Variants in PTPRD observed in about 807,000 individuals in gnomAD.
PTPRD encodes protein tyrosine phosphatase receptor type D.
Under a neutral mutation model 214.5 loss-of-function variants are expected in PTPRD, and 34 were observed. The ratio of observed to expected loss-of-function variants is 0.16; its 90% confidence interval spans 0.12 to 0.21. The LOEUF (loss-of-function observed/expected upper bound fraction) is 0.21. PTPRD is among the 10% of genes least tolerant of loss of function. PTPRD has a pLI of 1.00. For missense variants in PTPRD, 2,545 were observed against 2,398.7 expected (o/e 1.06, Z -1.27); for synonymous variants, 1,128 against 845.7 (o/e 1.33, Z -5.79).
intron 14 of PTPRD, among the ~76,000 whole-genome samples, chr9:8,598,297 T>C (rs984322483): frequency 6.6e-6 from 1 of 151,748 alleles, no homozygotes; most frequent in South Asian, 2.1e-4. Context: ...ATTAAAAATA[T>C]GAAAATTAGC....
At chr9:10,240,156 C>T (rs1303355283) in intron 3 of PTPRD, among the ~76,000 whole-genome samples, 1 of 151,866 alleles carries the variant, frequency 6.6e-6, no homozygotes, top group Non-Finnish European at 1.5e-5. Context: ...GTTCATATAA[C>T]CTAAATAAAA....
At chr9:9,833,479 C>T (rs986530511) in intron 5 of PTPRD, among the ~76,000 whole-genome samples, 2 of 151,714 alleles carry the variant, frequency 1.3e-5, no homozygotes, top group Non-Finnish European at 2.9e-5. Flanking sequence ...AGGACCGAGG[C>T]GAAATTAAAA....
intron 3 of PTPRD, among the ~76,000 whole-genome samples, chr9:10,060,912 CTTTCT>C (rs2097764050): frequency 9.0e-6 from 1 of 111,352 alleles, no homozygotes. Flanking sequence ...TTCTTTCTTT[CTTTCT>C]TTCTTTCTTT....
rs77278680 is a variant in PTPRD at position 9,079,516 on chromosome 9, T to A, written c.-142-60781A>T. ...TTCTTTGCTTTGGATAGATTCTCAG[T>A]AGGGGGATTGCTGGACAATATGTAG... On this transcript the variant is annotated intron_variant, in intron 10 of 45. Transcript: ENST00000381196. Among the ~76,000 whole-genome samples the A allele has an allele frequency of 3.1e-4, 47 of 152,166 alleles. 1 individual carries two copies. In the South Asian group the frequency reaches 8.9e-3, roughly 29 times the overall value.
At position 9,241,730 on chromosome 9, in the gene PTPRD, A is replaced by G. The variant is rs1333475134; in HGVS notation, c.-202-58367T>C. Among the ~76,000 whole-genome samples, 6 of 151,344 alleles carry G rather than the reference A, an allele frequency of 4.0e-5. No individual in the cohort carries two copies. In the South Asian group the frequency reaches 1.0e-3, roughly 26 times the overall value. ...TCCTCCAACCCTTTATTCTGAGCCTATGTGTGTCTCTCCATACGAGATGGG... is the reference window on the plus strand; with the variant it reads ...TCCTCCAACCCTTTATTCTGAGCCTGTGTGTGTCTCTCCATACGAGATGGG... On this transcript the variant is annotated intron_variant, in intron 9 of 45. Transcript: ENST00000381196.
intron 11 of PTPRD, among the ~76,000 whole-genome samples, chr9:8,748,907 T>A (rs573419960): frequency 6.6e-6 from 1 of 151,982 alleles, no homozygotes; most frequent in South Asian, 2.1e-4. Context: ...CAAAACTCCA[T>A]CATAAAAAAA....
At chr9:10,596,773 C>A (rs1281963123) in intron 2 of PTPRD, among the ~76,000 whole-genome samples, 1 of 151,462 alleles carries the variant, frequency 6.6e-6, no homozygotes, top group Admixed American at 6.6e-5. Flanking sequence ...TATGTGAGAA[C>A]TGGCTAAATT....
At chr9:8,950,744 A>G (rs2154304557) in intron 11 of PTPRD, among the ~76,000 whole-genome samples, 1 of 151,544 alleles carries the variant, frequency 6.6e-6, no homozygotes, top group East Asian at 1.9e-4. Context: ...AGAATCTAAG[A>G]GCGATTCCTG....
At chr9:8,508,479 T>G (rs1354269374) in intron 21 of PTPRD, among the ~76,000 whole-genome samples, 2 of 152,186 alleles carry the variant, frequency 1.3e-5, no homozygotes, top group Admixed American at 6.5e-5. Flanking sequence ...TAAAACATTT[T>G]GATCATTACC....
chr9:10,093,146 GAA>G (rs749993925), intron 3 of PTPRD, among the ~76,000 whole-genome samples: 19 of 151,074 alleles, frequency 1.3e-4, no homozygotes, highest in Non-Finnish European at 2.5e-4. Context: ...AAAAGAAAAG[GAA>G]AAGAGTAAAC....
At chr9:9,918,219 C>A (rs1416534674) in intron 5 of PTPRD, among the ~76,000 whole-genome samples, 3 of 151,370 alleles carry the variant, frequency 2.0e-5, no homozygotes, top group Non-Finnish European at 4.4e-5. Context: ...ATATAAAAAT[C>A]AATATGAAAA....
intron 2 of PTPRD, among the ~76,000 whole-genome samples, chr9:10,541,532 C>T (rs833449): frequency 0.94 from 143,309 of 151,854 alleles, 67,772 homozygotes; most frequent in Non-Finnish European, 0.98. Flanking sequence ...TTCTTATCTC[C>T]TTATATATAT....
chr9:10,352,980 A>G (rs992469408), intron 2 of PTPRD, among the ~76,000 whole-genome samples: 27 of 151,940 alleles, frequency 1.8e-4, no homozygotes, highest in African/African-American at 6.3e-4. Flanking sequence ...TGAGTGAAAT[A>G]CTCATGAAAT....
intron 5 of PTPRD, among the ~76,000 whole-genome samples, chr9:9,871,609 GT>G (rs2065456710): frequency 6.6e-6 from 1 of 151,670 alleles, no homozygotes; most frequent in Admixed American, 6.6e-5. Context: ...GGGAGGAGAA[GT>G]GCAGGGGCAG....
At chr9:10,508,786 G>A (rs2046971364) in intron 2 of PTPRD, among the ~76,000 whole-genome samples, 1 of 151,972 alleles carries the variant, frequency 6.6e-6, no homozygotes. Context: ...ACACACTGGG[G>A]CCTGTCGTGG....
At chr9:8,581,275 G>C (rs1310716683) in intron 14 of PTPRD, among the ~76,000 whole-genome samples, 1 of 152,006 alleles carries the variant, frequency 6.6e-6, no homozygotes, top group South Asian at 2.1e-4. Flanking sequence ...TAATTCTAAA[G>C]AAAGCAGAAA....
intron 8 of PTPRD, among the ~76,000 whole-genome samples, chr9:9,540,179 T>C (rs144336023): frequency 4.3e-4 from 66 of 151,988 alleles, no homozygotes; most frequent in Admixed American, 9.2e-4. Context: ...TTGGCTAATA[T>C]CTGCCACCCA....
intron 2 of PTPRD, among the ~76,000 whole-genome samples, chr9:10,580,413 T>C (rs1259932485): frequency 6.6e-6 from 1 of 152,228 alleles, no homozygotes; most frequent in East Asian, 1.9e-4. Context: ...TAAGTCTATG[T>C]GCCTAGGCAC....
chr9:8,626,644 T>C (rs1202381085), intron 14 of PTPRD, among the ~76,000 whole-genome samples: 2 of 151,664 alleles, frequency 1.3e-5, no homozygotes, highest in East Asian at 3.9e-4. Flanking sequence ...TCCAATCAGG[T>C]AAAACACTAA....
Sources: allele counts gnomAD v4.1 joint callset (sites outside exome capture counted in the v4.1 genomes callset), GRCh38; gene constraint gnomAD v4.1.1; transcripts MANE v1.5; gene names NCBI Gene and HGNC (gene_info 2026-07-23, HGNC 2026-07-21).